The following NGLY1 variants were observed in gnomAD, a reference collection of about 807,000 sequenced individuals.
The protein encoded by NGLY1 is N-glycanase 1, also known as peptide-N(4)-(N-acetyl-beta-glucosaminyl)asparagine amidase.
NGLY1 carries 68 observed loss-of-function variants against 84.6 expected under a neutral mutation model. The ratio of observed to expected loss-of-function variants is 0.80; its 90% CI spans 0.66 to 0.98. The LOEUF is 0.98. Among genes scored for constraint, NGLY1 ranks in the 50% least tolerant of loss-of-function variants. The probability of loss-of-function intolerance (pLI) is 0.00; values close to 1 mark genes in which losing one functional copy is unlikely to be tolerated. For synonymous variants in NGLY1, 280 were observed against 275.2 expected (o/e 1.02, Z -0.17); for missense variants, 779 against 770.2 (o/e 1.01, Z -0.14).
chr3:25,748,783 A>G (rs1706570665), intron 4 of NGLY1, among the ~76,000 whole-genome samples: 1 of 152,204 alleles, frequency 6.6e-6, no homozygotes, highest in African/African-American at 2.4e-5. Flanking sequence ...TTAGATTCAC[A>G]TTAAAATTCA....
intron 8 of NGLY1, 27 bp downstream of exon 8, chr3:25,733,845 C>CTT: frequency 6.6e-7 from 1 of 1,525,044 alleles, no homozygotes; most frequent in Non-Finnish European, 9.0e-7. Flanking sequence ...GTCAACTGTT[C>CTT]TTTCAAAAAA....
intron 4 of NGLY1, among the ~76,000 whole-genome samples, chr3:25,748,420 G>C (rs189509866): frequency 6.6e-6 from 1 of 152,074 alleles, no homozygotes; most frequent in Non-Finnish European, 1.5e-5. Flanking sequence ...TGATACCTAC[G>C]GCTAAAGCAA....
intron 4 of NGLY1, among the ~76,000 whole-genome samples, chr3:25,750,346 A>G (rs1246600564): frequency 3.9e-5 from 6 of 152,146 alleles, no homozygotes; most frequent in Non-Finnish European, 1.5e-5. Context: ...GAGCCAAACC[A>G]TATCACTGGA....
At chr3:25,787,360 G>C (rs1448914319), upstream of NGLY1, among the ~76,000 whole-genome samples, 2 of 152,154 alleles carry the variant, frequency 1.3e-5, no homozygotes, top group Non-Finnish European at 2.9e-5. Flanking sequence ...ATTGCCTTCA[G>C]AGCCTCGTGT....
chr3:25,739,715 A>G lies in NGLY1; in HGVS notation c.743T>C (p.Val248Ala), dbSNP rs760098202. Reference protein sequence around the residue: ...KEEFFHWVNNVLCSKCGGQTR... With the variant: ...KEEFFHWVNNALCSKCGGQTR... ...CTGTCCACCACATTTGCTGCACAAA[A>G]CGTTATTCACCCAGTGAAAAAATTC... Residue 248 changes from valine to alanine, a missense_variant, in exon 5 of 12, where the codon GTT (valine) becomes GCT (alanine). Val to Ala is a moderately conservative substitution (Grantham distance 64, BLOSUM62 0). Transcript: ENST00000280700. 1.2e-6 allele frequency: 2 copies of G among 1,614,116 alleles called. No individual in the cohort carries two copies. Among genetic ancestry groups the G allele is most frequent in the South Asian group, 1.1e-5 (1 of 91,080 alleles).
chr3:25,741,034 G>A (rs1193490796), intron 4 of NGLY1, among the ~76,000 whole-genome samples: 3 of 151,284 alleles, frequency 2.0e-5, no homozygotes, highest in Non-Finnish European at 4.4e-5. Context: ...AGGCTGAGGC[G>A]GGAGAATCAC....
At chr3:25,776,926 T>C (rs1708178992) in intron 2 of NGLY1, among the ~76,000 whole-genome samples, 1 of 151,768 alleles carries the variant, frequency 6.6e-6, no homozygotes, top group Non-Finnish European at 1.5e-5. Flanking sequence ...GGAACAGAAA[T>C]GACAAAAAAC....
intron 9 of NGLY1, among the ~76,000 whole-genome samples, chr3:25,732,008 A>T (rs534940600): frequency 1.1e-4 from 17 of 152,116 alleles, no homozygotes; most frequent in Non-Finnish European, 2.2e-4. Flanking sequence ...AAATTTGTAA[A>T]CATTCATTAA....
chr3:25,739,482 C>T (rs1706014953), intron 5 of NGLY1, 95 bp downstream of exon 5: 3 of 1,201,040 alleles, frequency 2.5e-6, no homozygotes, highest in Non-Finnish European at 3.5e-6. Context: ...GAATATATTT[C>T]TGATAATTAA....
chr3:25,768,946 A>G (rs1463304064), intron 2 of NGLY1, among the ~76,000 whole-genome samples: 2 of 152,232 alleles, frequency 1.3e-5, no homozygotes, highest in Non-Finnish European at 2.9e-5. Context: ...AACAATGTGA[A>G]GAGACACACT....
chr3:25,767,879 G>A (rs1180096446), intron 2 of NGLY1, among the ~76,000 whole-genome samples: 3 of 150,542 alleles, frequency 2.0e-5, no homozygotes, highest in African/African-American at 7.3e-5. Flanking sequence ...TTGGGGGGCT[G>A]AAGCAGGTGG....
chr3:25,783,789 G>A (rs1327945377), upstream of NGLY1, among the ~76,000 whole-genome samples: 1 of 152,130 alleles, frequency 6.6e-6, no homozygotes, highest in Non-Finnish European at 1.5e-5. The surrounding 1 kb of genome is among the most constrained non-coding windows in gnomAD (Gnocchi z 4.5). Context: ...AAGGGGTTCC[G>A]CAGGGAGAGG....
At chr3:25,742,884 CAAAAAAAAAAAAAAAA>C (rs34669504) in intron 4 of NGLY1, among the ~76,000 whole-genome samples, 8 of 63,314 alleles carry the variant, frequency 1.3e-4, no homozygotes, top group Admixed American at 6.9e-4. Flanking sequence ...CCTTATGTGG[CAAAAAAAAAAAAAAAA>C]AAAAAAAAAA....
chr3:25,774,694 T>C (rs908138707), intron 2 of NGLY1, among the ~76,000 whole-genome samples: 3 of 152,248 alleles, frequency 2.0e-5, no homozygotes, highest in South Asian at 2.1e-4. Context: ...GGTTGAGATT[T>C]TGCCCCAGGC....
chr3:25,749,391 T>C, intron 4 of NGLY1: 1 of 712,706 alleles, frequency 1.4e-6, no homozygotes, highest in South Asian at 1.6e-5. Flanking sequence ...AAATGTGATA[T>C]ATACATAAAC....
chr3:25,746,800 C>A (rs951694510), intron 4 of NGLY1, among the ~76,000 whole-genome samples: 30 of 152,168 alleles, frequency 2.0e-4, no homozygotes, highest in African/African-American at 7.2e-4. Flanking sequence ...CTATTTCTCA[C>A]TGAAGTTTAT....
chr3:25,767,506 G>A (rs1284317121), intron 2 of NGLY1, among the ~76,000 whole-genome samples: 2 of 152,096 alleles, frequency 1.3e-5, no homozygotes, highest in African/African-American at 2.4e-5. Flanking sequence ...AGGTGCAGGT[G>A]GAGGGGGCAG....
chr3:25,783,219 A>G lies in NGLY1; in HGVS notation c.131+41T>C. 1 of 1,228,008 alleles carries G rather than the reference A, an allele frequency of 8.1e-7. No individual in the cohort carries two copies. Among genetic ancestry groups the G allele is most frequent in the African/African-American group, 1.5e-5 (1 of 65,576 alleles). The allele number at this position is 1,228,008 out of a possible 1,614,324, so 76.1% of individuals were successfully genotyped here. ...CTGGCCGAACAAGGTGCCGCGGCCC[A>G]CCCACCCCGGTACCCGCCGTCCGAC... On this transcript the variant is annotated intron_variant, in intron 1 of 11. Transcript: ENST00000280700. This position sits in a 1 kb window ranked among gnomAD's most constrained non-coding sequence, Gnocchi z 4.5.
intron 3 of NGLY1, among the ~76,000 whole-genome samples, chr3:25,757,440 CT>C (rs1707097927): frequency 6.6e-6 from 1 of 152,072 alleles, no homozygotes; most frequent in African/African-American, 2.4e-5. Flanking sequence ...AAGGGTTCGA[CT>C]GGTATACGTG....
Sources: gnomAD v4.1 joint callset for allele counts (sites outside exome capture counted in the v4.1 genomes callset) on GRCh38, gnomAD v4.1.1 for gene constraint, Gnocchi (gnomAD v3.1) non-coding constraint, MANE v1.5 for transcripts, NCBI Gene and HGNC (gene_info 2026-07-23, HGNC 2026-07-21) for gene names.